REST: variants seen among roughly 807,000 people sequenced by gnomAD.
The protein encoded by REST is RE1 silencing transcription factor, also known as RE1-silencing transcription factor.
In REST, 1 loss-of-function variant was observed where a neutral mutation model predicts 30.4. The ratio of observed to expected loss-of-function variants is 0.03; its 90% confidence interval spans 0.01 to 0.16. The LOEUF is 0.16. Ranked by LOEUF, REST falls within the 10% of genes least tolerant of loss-of-function variation. REST has a pLI of 1.00. For synonymous variants in REST, 504 were observed against 451.1 expected, an observed-to-expected ratio of 1.12 and a Z score of -1.49; for missense variants, 1,259 against 1,329.5, an observed-to-expected ratio of 0.95 and a Z score of 0.82.
At position 56,931,189 on chromosome 4, in the gene REST, T is replaced by G. The variant is rs112646188; in HGVS notation, c.2331T>G (p.Val777=). The change falls in exon 4 of 4, where the codon GTT becomes GTG. Residue 777 remains valine, a synonymous_variant. Coordinates refer to ENST00000309042, the MANE Select transcript of REST (RefSeq NM_005612.5). ...TAGAGGTGGTCCAGAAGGAGCCTGT[T>G]CAGATGGAGTTGTCTCCTCCCATGG... ...PPIEVVQKEP[V]QMELSPPMGV... is the part of the protein sequence containing the mutation. 9.1e-4 allele frequency: 1,469 copies of G among 1,614,058 alleles called. 15 individuals carry two copies. In the African/African-American group the frequency reaches 0.017, roughly 19 times the overall value.
chr4:56,916,997 T>A (rs1720229491), intron 2 of REST, among the ~76,000 whole-genome samples: 1 of 151,688 alleles, frequency 6.6e-6, no homozygotes, highest in Non-Finnish European at 1.5e-5. Flanking sequence ...GGTTCCAATT[T>A]CAGCACATCC....
chr4:56,921,987 T>C (rs986406045), intron 3 of REST, among the ~76,000 whole-genome samples: 4 of 152,198 alleles, frequency 2.6e-5, no homozygotes, highest in African/African-American at 9.6e-5. Flanking sequence ...AAGACTTGAT[T>C]ATGTCACAGA....
rs745368817 is a variant in REST, at chr4:56,931,657, T to G, written c.2799T>G (p.Thr933=). The change falls in exon 4 of 4, where the codon ACT becomes ACG. Residue 933 remains threonine (T), a synonymous_variant. Transcript: ENST00000309042. ...GQNLNTPEGE[T]LNGKHQTDSI... is the part of the protein sequence containing the mutation. ...ACTTGAATACGCCAGAGGGTGAAAC[T>G]TTAAATGGTAAACATCAGACTGACA... is the stretch of plus-strand genomic sequence containing the variant. The G allele has an allele frequency of 6.2e-7, 1 of 1,614,196 alleles. No homozygotes were observed. Among genetic ancestry groups the G allele is most frequent in the Non-Finnish European group, 8.5e-7 (1 of 1,180,040 alleles).
chr4:56,922,339 G>A (rs1014365155), intron 3 of REST: 4 of 143,816 alleles, frequency 2.8e-5, no homozygotes, highest in African/African-American at 7.7e-5. Flanking sequence ...CTGAGATGGA[G>A]TTTCGCTCTT....
rs1207371267 is a variant in REST at position 56,931,341 on chromosome 4, G to A, written c.2483G>A (p.Ser828Asn). 8 of 1,614,158 alleles carry A rather than the reference G, an allele frequency of 5.0e-6. No homozygotes were observed. Among genetic ancestry groups the A allele is most frequent in the Non-Finnish European group, 6.8e-6 (8 of 1,180,062 alleles). Residue 828 changes from serine to asparagine, a missense_variant, in exon 4 of 4, where the codon AGT (serine) becomes AAT (asparagine). Coordinates refer to ENST00000309042, the MANE Select transcript of REST (RefSeq NM_005612.5). Reference protein sequence around the residue: ...KDKKEKSNMQSERARKEQVLI... With the variant: ...KDKKEKSNMQNERARKEQVLI... Reference sequence around the variant, plus strand: ...AAAAAGGAAAAGTCTAACATGCAGAGTGAAAGGGCACGGAAGGAGCAAGTC... The same window carrying A: ...AAAAAGGAAAAGTCTAACATGCAGAATGAAAGGGCACGGAAGGAGCAAGTC...
intron 1 of REST, chr4:56,908,924 G>T (rs1719758397): frequency 1.3e-5 from 2 of 151,538 alleles, no homozygotes; most frequent in African/African-American, 2.4e-5. Flanking sequence ...GGCGCTCGGA[G>T]CCCGACGCCT....
rs1318172378 is a variant in REST at position 56,930,210 on chromosome 4, CAAAAAT to C, written c.1357_1362del (p.Ile453_Lys454del). The C allele has an allele frequency of 1.9e-6, 3 of 1,605,638 alleles. No homozygotes were observed. The highest frequency in any genetic ancestry group is 2.2e-5 in the East Asian group (1 of 44,862). ...AATGAAAAAACAGAAATAGAACAAACAAAAATAAAAGGGGATGTGGCTGGAAAGAAA... is the reference window on the plus strand; with the variant it reads ...AATGAAAAAACAGAAATAGAACAAACAAAAGGGGATGTGGCTGGAAAGAAA... On this transcript the variant is annotated inframe_deletion, in exon 4 of 4. Coordinates refer to ENST00000309042, the MANE Select transcript of REST (RefSeq NM_005612.5).
Position 56,915,240 on chromosome 4 carries a change from ATT to A in REST, c.898+3726_898+3727del, listed in dbSNP as rs1193678055. Among the ~76,000 whole-genome samples the A allele has an allele frequency of 6.2e-3, 343 of 55,500 alleles. 3 individuals are homozygous for A. Among genetic ancestry groups the A allele is most frequent in the African/African-American group, 0.024 (325 of 13,494 alleles). The allele number at this position is 55,500 out of a possible 152,430, so 36.4% of individuals were successfully genotyped here. A position where few individuals can be genotyped will look rare whatever the true frequency, so the allele number is the denominator to read the frequency against. On this transcript the variant is annotated intron_variant, in intron 2 of 3. Coordinates refer to ENST00000309042, the MANE Select transcript of REST (RefSeq NM_005612.5). ...CAATTTTGTGTGTGTGTGTGTGTGT[ATT>A]TTTTTTTTTTTTTTTTTTTTTGAGA... is the stretch of plus-strand genomic sequence containing the variant.
At chr4:56,919,907 T>A in intron 3 of REST, 37 bp downstream of exon 3, 1 of 1,059,764 alleles carries the variant, frequency 9.4e-7, no homozygotes, top group Non-Finnish European at 1.4e-6. Flanking sequence ...TCATTTTCAG[T>A]AAATGACCAT....
intron 2 of REST, among the ~76,000 whole-genome samples, chr4:56,917,157 C>T (rs1720236852): frequency 1.3e-5 from 2 of 151,962 alleles, no homozygotes; most frequent in African/African-American, 4.8e-5. Context: ...ATTTGTAAAT[C>T]TTTTTTTTAC....
Position 56,911,152 on chromosome 4 carries a change from G to A in REST, c.514G>A (p.Glu172Lys). ...KPCQYEAESEEQFVHHIRVHS... is the reference protein window; with the variant it reads ...KPCQYEAESEKQFVHHIRVHS... ...ATGCCAATATGAAGCAGAATCTGAAGAACAGTTTGTGCATCACATCAGAGT... is the reference window on the plus strand; with the variant it reads ...ATGCCAATATGAAGCAGAATCTGAAAAACAGTTTGTGCATCACATCAGAGT... The change falls in exon 2 of 4, where the codon GAA becomes AAA. Residue 172 changes from glutamate (E) to lysine (K), a missense_variant. Coordinates refer to ENST00000309042, the MANE Select transcript of REST (RefSeq NM_005612.5). 6.2e-7 allele frequency: 1 copy of A among 1,614,228 alleles called. No individual in the cohort carries two copies. Among genetic ancestry groups the A allele is most frequent in the Non-Finnish European group, 8.5e-7 (1 of 1,180,050 alleles).
intron 3 of REST, among the ~76,000 whole-genome samples, chr4:56,925,289 T>A (rs1482038677): frequency 6.6e-6 from 1 of 152,182 alleles, no homozygotes; most frequent in East Asian, 1.9e-4. Flanking sequence ...TATTTTTCAC[T>A]GCGGCTTTAA....
rs1719899260 is a variant in REST at position 56,911,349 on chromosome 4, C to T, written c.711C>T (p.His237=). 2 of 1,614,044 alleles carry T rather than the reference C, an allele frequency of 1.2e-6. No individual in the cohort carries two copies. Among genetic ancestry groups the T allele is most frequent in the South Asian group, 2.2e-5 (2 of 91,088 alleles). The part of the protein sequence containing the change: ...RYDHYTAHLK[H]HTRAGDNERV... ...ATCACTATACAGCACACCTGAAACA[C>T]CACACCAGAGCTGGGGATAATGAGC... is the stretch of plus-strand genomic sequence containing the variant. The change falls in exon 2 of 4, where the codon CAC becomes CAT. Residue 237 remains histidine (H), a synonymous_variant. Transcript: ENST00000309042.
At chr4:56,913,006 C>T (rs1006928778) in intron 2 of REST, among the ~76,000 whole-genome samples, 9 of 151,766 alleles carry the variant, frequency 5.9e-5, no homozygotes, top group Non-Finnish European at 1.2e-4. Flanking sequence ...CTATGTTGCC[C>T]AGGCTGGTCT....
chr4:56,923,831 C>G (rs964648437), intron 3 of REST, among the ~76,000 whole-genome samples: 1 of 152,080 alleles, frequency 6.6e-6, no homozygotes, highest in Non-Finnish European at 1.5e-5. Flanking sequence ...AAGCGATTCT[C>G]CTGCCTCAGC....
rs1298270236 is a variant in REST at position 56,935,813 on chromosome 4, A to C, written c.*3661A>C. ...CCAATATGAGTGTATTTCTGTAAGC[A>C]TAGTTATGTTGAAATAAAGTTTTAA... On this transcript the variant is annotated 3_prime_UTR_variant, in exon 4 of 4. Transcript: ENST00000309042. 6.6e-6 allele frequency: 1 copy of C among 152,268 alleles called. No homozygotes were observed. The highest frequency in any genetic ancestry group is 1.5e-5 in the Non-Finnish European group (1 of 68,044). The allele number at this position is 152,268 out of a possible 1,614,324, so 9.4% of individuals were successfully genotyped here. A position where few individuals can be genotyped will look rare whatever the true frequency, so the allele number is the denominator to read the frequency against.
At chr4:56,926,185 G>A (rs1015283557) in intron 3 of REST, among the ~76,000 whole-genome samples, 25 of 145,542 alleles carry the variant, frequency 1.7e-4, no homozygotes, top group South Asian at 9.0e-4. Context: ...TCAGCCTCCC[G>A]AGTAGCTGGG....
chr4:56,915,733 T>C (rs1198289289), intron 2 of REST, among the ~76,000 whole-genome samples: 2 of 152,174 alleles, frequency 1.3e-5, no homozygotes, highest in Non-Finnish European at 2.9e-5. Flanking sequence ...TGTTCAGGAA[T>C]TACTTCTCAT....
At chr4:56,915,115 G>GT (rs1303655440) in intron 2 of REST, among the ~76,000 whole-genome samples, 1 of 150,512 alleles carries the variant, frequency 6.6e-6, no homozygotes, top group Non-Finnish European at 1.5e-5. Flanking sequence ...TAGAGACAAG[G>GT]TTTCTCCATG....
Sources: gnomAD v4.1 joint callset for allele counts (sites outside exome capture counted in the v4.1 genomes callset) on GRCh38, gnomAD v4.1.1 for gene constraint, MANE v1.5 for transcripts, NCBI Gene and HGNC (gene_info 2026-07-23, HGNC 2026-07-21) for gene names.